NCOA2: variants seen among roughly 807,000 people sequenced by gnomAD.
The protein encoded by NCOA2 is nuclear receptor coactivator 2.
A neutral mutation model predicts 145.1 loss-of-function variants in NCOA2; 21 were observed. The observed-to-expected ratio is 0.14, with a 90% CI of 0.10 to 0.21. The LOEUF (loss-of-function observed/expected upper bound fraction) is 0.21, where lower values mean the gene tolerates loss of function less well. Ranked by LOEUF, NCOA2 falls within the 10% of genes least tolerant of loss-of-function variation. The pLI is 1.00. For missense variants in NCOA2, 1,472 were observed against 1,837.6 expected, an observed-to-expected ratio of 0.80 and a Z score of 3.64; for synonymous variants, 619 against 637.5, an observed-to-expected ratio of 0.97 and a Z score of 0.44.
rs899771953 is a variant in NCOA2, at chr8:70,247,665, G to A, written c.-19-30901C>T. 3.3e-5 allele frequency among the ~76,000 whole-genome samples: 5 copies of A among 152,172 alleles called. No individual in the cohort carries two copies. The East Asian group carries it at 9.6e-4, about 29-fold the overall frequency. On this transcript the variant is annotated intron_variant, in intron 2 of 22. Coordinates refer to ENST00000452400, the MANE Select transcript of NCOA2 (RefSeq NM_006540.4). The stretch of plus-strand genomic sequence containing the variant: ...CTGCTCACAAGGTCATGAAACCTTT[G>A]GCAATCTTATAGATCACTTCCATAG...
intron 1 of NCOA2, among the ~76,000 whole-genome samples, chr8:70,395,071 T>C (rs768461529): frequency 2.0e-5 from 3 of 152,236 alleles, no homozygotes; most frequent in Non-Finnish European, 2.9e-5. Flanking sequence ...TCCTTAATGA[T>C]AGTAACAGAC....
chr8:70,374,102 C>T (rs1811456863), intron 1 of NCOA2, among the ~76,000 whole-genome samples: 1 of 152,108 alleles, frequency 6.6e-6, no homozygotes, highest in African/African-American at 2.4e-5. Context: ...AAAATATAAT[C>T]CCCTTGTCAA....
the NCOA2 span, among the ~76,000 whole-genome samples, chr8:70,414,934 G>T: frequency 1.3e-5 from 2 of 149,572 alleles, no homozygotes; most frequent in South Asian, 4.2e-4. Flanking sequence ...TGCACAAAAT[G>T]ATAAAAAAAA....
In NCOA2 at chr8:70,126,801, T is replaced by A; in HGVS notation, c.3916+12A>T. Reference sequence around the variant, plus strand: ...GGACTGGTGAAAGGTGGTGGGGATCTAAGTCCAGTACCGTAGTTTGGAGGA... The same window carrying A: ...GGACTGGTGAAAGGTGGTGGGGATCAAAGTCCAGTACCGTAGTTTGGAGGA... On this transcript the variant is annotated intron_variant, in intron 19 of 22. Transcript: ENST00000452400. 6.2e-7 allele frequency: 1 copy of A among 1,609,372 alleles called. No individual in the cohort carries two copies. The highest frequency in any genetic ancestry group is 8.5e-7 in the Non-Finnish European group (1 of 1,175,980).
chr8:70,366,268 A>G (rs995027580), intron 1 of NCOA2, among the ~76,000 whole-genome samples: 1 of 152,192 alleles, frequency 6.6e-6, no homozygotes, highest in African/African-American at 2.4e-5. Flanking sequence ...TGTGGATTTG[A>G]GAAAAGGACA....
intron 2 of NCOA2, among the ~76,000 whole-genome samples, chr8:70,217,080 C>G (rs1051218541): frequency 1.3e-5 from 2 of 152,132 alleles, no homozygotes; most frequent in African/African-American, 4.8e-5. Context: ...GTTTGGGCTG[C>G]CAGCCTCCAG....
intron 1 of NCOA2, among the ~76,000 whole-genome samples, chr8:70,383,476 G>A (rs1465713554): frequency 6.6e-6 from 1 of 151,438 alleles, no homozygotes; most frequent in Non-Finnish European, 1.5e-5. Context: ...ACAGAAGAGG[G>A]ACACTAAAAT....
chr8:70,398,574 T>C (rs550686537), intron 1 of NCOA2, among the ~76,000 whole-genome samples: 29 of 152,334 alleles, frequency 1.9e-4, no homozygotes, highest in Admixed American at 9.1e-4. Context: ...CTGCCAGAAT[T>C]AACAGGCTAA....
intron 2 of NCOA2, among the ~76,000 whole-genome samples, chr8:70,255,747 A>C (rs530852334): frequency 6.6e-6 from 1 of 152,294 alleles, no homozygotes; most frequent in Admixed American, 6.5e-5. Context: ...CAATCACTAT[A>C]ATCAATAGGA....
the NCOA2 span, among the ~76,000 whole-genome samples, chr8:70,420,149 A>G: frequency 6.6e-6 from 1 of 152,248 alleles, no homozygotes; most frequent in Admixed American, 6.5e-5. Context: ...TGAATGGATG[A>G]GAACAAAGTT....
chr8:70,259,529 T>G, intron 2 of NCOA2, among the ~76,000 whole-genome samples: 1 of 152,118 alleles, frequency 6.6e-6, no homozygotes, highest in Non-Finnish European at 1.5e-5. Flanking sequence ...TTCCAGAGAA[T>G]CATAAAGGGT....
At chr8:70,249,978 A>AAAAAAGG (rs1554606877) in intron 2 of NCOA2, among the ~76,000 whole-genome samples, 3 of 101,208 alleles carry the variant, frequency 3.0e-5, no homozygotes, top group Non-Finnish European at 6.9e-5. Context: ...AAAAAAAAAA[A>AAAAAAGG]AGAAGAAGAA....
At chr8:70,159,242 A>ATATATATATATTTTTTTTTTTT in intron 10 of NCOA2, among the ~76,000 whole-genome samples, 1 of 61,076 alleles carries the variant, frequency 1.6e-5, no homozygotes, top group African/African-American at 5.4e-5. Context: ...ATATATATAT[A>ATATATATATATTTTTTTTTTTT]TTTTTTTTTT....
chr8:70,438,652 A>G, the NCOA2 span, among the ~76,000 whole-genome samples: 1 of 152,232 alleles, frequency 6.6e-6, no homozygotes, highest in Admixed American at 6.5e-5. Flanking sequence ...GGAGAGTTTT[A>G]TATTGAGGAC....
chr8:70,312,759 T>C (rs774882611), intron 1 of NCOA2, among the ~76,000 whole-genome samples: 1 of 152,164 alleles, frequency 6.6e-6, no homozygotes, highest in Non-Finnish European at 1.5e-5. Flanking sequence ...TGAAAAGCTG[T>C]TGACCCAATA....
intron 4 of NCOA2, among the ~76,000 whole-genome samples, chr8:70,181,260 C>A (rs1370584899): frequency 6.6e-6 from 1 of 152,176 alleles, no homozygotes; most frequent in Non-Finnish European, 1.5e-5. Context: ...TACTTAGAAA[C>A]CTAAATGCTA....
At chr8:70,149,406 A>AATTTTTTG (rs1811503941) in intron 11 of NCOA2, among the ~76,000 whole-genome samples, 1 of 149,354 alleles carries the variant, frequency 6.7e-6, no homozygotes, top group Non-Finnish European at 1.5e-5. Flanking sequence ...ATGTCTGGCT[A>AATTTTTTG]ATTTTTTGAT....
At chr8:70,124,907 T>C in intron 19 of NCOA2, 42 bp from the exon 20 acceptor site, 1 of 1,533,056 alleles carries the variant, frequency 6.5e-7, no homozygotes, top group South Asian at 1.3e-5. Flanking sequence ...AAGAGACTGT[T>C]AGTTATATTG....
chr8:70,188,067 G>T (rs1816273812), intron 4 of NCOA2, among the ~76,000 whole-genome samples: 1 of 152,236 alleles, frequency 6.6e-6, no homozygotes, highest in Admixed American at 6.5e-5. Flanking sequence ...GATGACTGAT[G>T]TGACAGCTGG....
Sources: allele counts gnomAD v4.1 joint callset (sites outside exome capture counted in the v4.1 genomes callset), GRCh38; gene constraint gnomAD v4.1.1; transcripts MANE v1.5; gene names NCBI Gene and HGNC (gene_info 2026-07-23, HGNC 2026-07-21).